The following THSD7A variants were observed in gnomAD, a reference collection of about 807,000 sequenced individuals.
The protein encoded by THSD7A is thrombospondin type 1 domain containing 7A, also known as thrombospondin type-1 domain-containing protein 7A.
Under a neutral mutation model 231.3 loss-of-function variants are expected in THSD7A, and 96 were observed. The observed-to-expected ratio is 0.41, with a 90% CI of 0.35 to 0.49. The LOEUF (loss-of-function observed/expected upper bound fraction) is 0.49. Ranked by LOEUF, THSD7A falls within the 20% of genes least tolerant of loss-of-function variation. The pLI, the probability that THSD7A is intolerant of heterozygous loss-of-function variation, is 0.05. For missense variants in THSD7A, 2,290 were observed against 2,070.2 expected (o/e 1.11, Z -2.06); for synonymous variants, 940 against 743.3 (o/e 1.26, Z -4.30).
At chr7:11,401,448 C>T (rs148289617) in intron 23 of THSD7A, among the ~76,000 whole-genome samples, 2,580 of 152,258 alleles carry the variant, frequency 0.017, 72 homozygotes, top group African/African-American at 0.054. Context: ...TGGAATTTCA[C>T]TCTTGTTGCC....
At chr7:11,682,984 C>T (rs773267551) in intron 1 of THSD7A, among the ~76,000 whole-genome samples, 26 of 151,660 alleles carry the variant, frequency 1.7e-4, no homozygotes, top group Admixed American at 9.2e-4. Context: ...TTAGTTGGCA[C>T]GGTGGCAGGT....
At chr7:11,785,349 A>C (rs1783757048) in intron 1 of THSD7A, among the ~76,000 whole-genome samples, 1 of 151,818 alleles carries the variant, frequency 6.6e-6, no homozygotes, top group Non-Finnish European at 1.5e-5. Context: ...TGAACCCCCC[A>C]CCTCAGCCTC....
At chr7:11,779,443 T>G (rs1783551747) in intron 1 of THSD7A, among the ~76,000 whole-genome samples, 2 of 152,334 alleles carry the variant, frequency 1.3e-5, no homozygotes, top group South Asian at 4.1e-4. Context: ...TATCCAAATC[T>G]CTTTGTCTGA....
intron 6 of THSD7A, among the ~76,000 whole-genome samples, chr7:11,524,859 T>A (rs1303834404): frequency 6.6e-6 from 1 of 152,220 alleles, no homozygotes; most frequent in African/African-American, 2.4e-5. Context: ...CACTATTTTG[T>A]AAAGGAAGAG....
intron 1 of THSD7A, among the ~76,000 whole-genome samples, chr7:11,771,127 T>C (rs1783215640): frequency 6.6e-6 from 1 of 150,958 alleles, no homozygotes; most frequent in Non-Finnish European, 1.5e-5. Flanking sequence ...AGATTTTTCA[T>C]CATAATTAAT....
intron 2 of THSD7A, among the ~76,000 whole-genome samples, chr7:11,621,693 C>T (rs1359518866): frequency 4.0e-5 from 6 of 151,786 alleles, no homozygotes; most frequent in Non-Finnish European, 5.9e-5. Context: ...TTTTGAATTC[C>T]GTGTCTTACT....
In THSD7A at chr7:11,578,931, A is replaced by G. The variant is rs111520959; in HGVS notation, c.1453+11529T>C. Among the ~76,000 whole-genome samples, 130 of 152,340 alleles carry G rather than the reference A, an allele frequency of 8.5e-4. 1 individual carries two copies. The highest frequency in any genetic ancestry group is 3.0e-3 in the African/African-American group (126 of 41,588). ...ATACAGAAAATGTAAAATTGTGAAGAGGTACAACCAGTGCATATAATTACA... is the reference window on the plus strand; with the variant it reads ...ATACAGAAAATGTAAAATTGTGAAGGGGTACAACCAGTGCATATAATTACA... On this transcript the variant is annotated intron_variant, in intron 4 of 27. Transcript: ENST00000423059.
At chr7:11,469,100 A>G (rs1381537135) in intron 9 of THSD7A, among the ~76,000 whole-genome samples, 3 of 152,150 alleles carry the variant, frequency 2.0e-5, no homozygotes, top group African/African-American at 7.2e-5. Flanking sequence ...AGTGTTAAGA[A>G]ACATGAAAAA....
chr7:11,577,114 G>A (rs182859843), intron 4 of THSD7A, among the ~76,000 whole-genome samples: 1 of 152,174 alleles, frequency 6.6e-6, no homozygotes, highest in East Asian at 1.9e-4. Flanking sequence ...CAATATGTTG[G>A]GGACTTTTCT....
At chr7:11,726,547 T>TG (rs1781554419) in intron 1 of THSD7A, among the ~76,000 whole-genome samples, 1 of 85,446 alleles carries the variant, frequency 1.2e-5, no homozygotes, top group African/African-American at 4.6e-5. Context: ...CCAGAATTGA[T>TG]TTTTTTTGCA....
At chr7:11,780,634 G>A (rs187649165) in intron 1 of THSD7A, among the ~76,000 whole-genome samples, 5 of 152,188 alleles carry the variant, frequency 3.3e-5, no homozygotes, top group East Asian at 3.9e-4. Flanking sequence ...CTGCATCCTC[G>A]TGAAAAACTG....
At chr7:11,488,379 A>G (rs1405823020) in intron 6 of THSD7A, among the ~76,000 whole-genome samples, 1 of 152,134 alleles carries the variant, frequency 6.6e-6, no homozygotes, top group African/African-American at 2.4e-5. Context: ...ACATTTTCAT[A>G]TAACCATCTT....
chr7:11,397,279 A>G (rs186717631), intron 23 of THSD7A, among the ~76,000 whole-genome samples: 291 of 152,298 alleles, frequency 1.9e-3, no homozygotes, highest in Non-Finnish European at 3.7e-3. Flanking sequence ...CAACCATCTG[A>G]TCTTTGACAA....
chr7:11,494,955 T>A (rs1787039594), intron 6 of THSD7A, among the ~76,000 whole-genome samples: 1 of 152,086 alleles, frequency 6.6e-6, no homozygotes, highest in African/African-American at 2.4e-5. Context: ...AATAATCAAA[T>A]GTATGAGTTT....
At chr7:11,692,920 G>A (rs1411904680) in intron 1 of THSD7A, among the ~76,000 whole-genome samples, 6 of 151,428 alleles carry the variant, frequency 4.0e-5, no homozygotes. Context: ...TGGCCCTTAA[G>A]CCTTCATTTA....
intron 1 of THSD7A, among the ~76,000 whole-genome samples, chr7:11,781,290 T>G (rs1373173727): frequency 1.1e-4 from 16 of 151,314 alleles, no homozygotes; most frequent in Non-Finnish European, 1.5e-5. Flanking sequence ...TGCACATTTT[T>G]TTTTTTTTTC....
chr7:11,421,500 G>C (rs1461128799), intron 16 of THSD7A, among the ~76,000 whole-genome samples: 14 of 152,098 alleles, frequency 9.2e-5, no homozygotes, highest in Admixed American at 9.2e-4. Context: ...TTATAAATTA[G>C]TCTCAGGAAG....
Position 11,574,436 on chromosome 7 carries a change from C to CTTT in THSD7A, c.1453+16021_1453+16023dup, listed in dbSNP as rs535754264. ...CTGTCATAGAAAAGGGAAACAAAAACTTTTTTTTTTTTTTTTGAGACAGAG... is the reference window on the plus strand; with the variant it reads ...CTGTCATAGAAAAGGGAAACAAAAACTTTTTTTTTTTTTTTTTTTGAGACAGAG... On this transcript the variant is annotated intron_variant, in intron 4 of 27. Transcript: ENST00000423059. 1.0e-3 allele frequency among the ~76,000 whole-genome samples: 141 copies of CTTT among 138,248 alleles called. 1 individual carries two copies. Among genetic ancestry groups the CTTT allele is most frequent in the Middle Eastern group, 7.6e-3 (2 of 262 alleles). The allele number at this position is 138,248 out of a possible 152,430, so 90.7% of individuals were successfully genotyped here. A position where few individuals can be genotyped will look rare whatever the true frequency, so the allele number is the denominator to read the frequency against.
chr7:11,821,040 T>C, intron 1 of THSD7A: 2 of 982,920 alleles, frequency 2.0e-6, no homozygotes, highest in Non-Finnish European at 3.2e-6. Flanking sequence ...ACTTTTCATT[T>C]CATCACGAGC....
Sources: gnomAD v4.1 joint callset for allele counts (sites outside exome capture counted in the v4.1 genomes callset) on GRCh38, gnomAD v4.1.1 for gene constraint, MANE v1.5 for transcripts, NCBI Gene and HGNC (gene_info 2026-07-23, HGNC 2026-07-21) for gene names.